The following FKBP15 variants were observed in gnomAD, a reference collection of about 807,000 sequenced individuals.
FKBP15 encodes the protein FK506-binding protein 15.
Under a neutral mutation model 158.1 loss-of-function variants are expected in FKBP15, and 106 were observed. The observed-to-expected ratio is 0.67, with a 90% CI of 0.57 to 0.79. The LOEUF (loss-of-function observed/expected upper bound fraction) is 0.79, where lower values mean the gene tolerates loss of function less well. Ranked by LOEUF, FKBP15 falls within the 30% of genes least tolerant of loss-of-function variation. The pLI, the probability that FKBP15 is intolerant of heterozygous loss-of-function variation, is 0.00. For missense variants in FKBP15, 1,287 were observed against 1,479.1 expected (o/e 0.87, Z 2.13); for synonymous variants, 547 against 548.6 (o/e 1.00, Z 0.04).
Position 113,170,632 on chromosome 9 carries a change from G to A in FKBP15, c.2659-3C>T, listed in dbSNP as rs774845908. The A allele has an allele frequency of 1.9e-6, 3 of 1,601,928 alleles. No homozygotes were observed. The highest frequency in any genetic ancestry group is 3.3e-5 in the Admixed American group (2 of 59,912). ...ACCTGGTTCATGATCTTCTTGACCT[G>A]TGTGAACATCAAAACACATGCTGTC... On this transcript the variant is annotated splice_polypyrimidine_tract_variant and splice_region_variant and intron_variant, in intron 24 of 27. Coordinates refer to ENST00000238256, the MANE Select transcript of FKBP15 (RefSeq NM_015258.2).
chr9:113,167,855 A>G (rs1020761831), intron 27 of FKBP15, among the ~76,000 whole-genome samples: 1 of 151,046 alleles, frequency 6.6e-6, no homozygotes, highest in Non-Finnish European at 1.5e-5. Flanking sequence ...CCTGGCCTTC[A>G]CTCTTGTTCT....
At chr9:113,188,139 A>T (rs1055044256) in intron 13 of FKBP15, among the ~76,000 whole-genome samples, 3 of 152,292 alleles carry the variant, frequency 2.0e-5, no homozygotes, top group Non-Finnish European at 4.4e-5. Context: ...ACCCAGGGAG[A>T]TGTCTCAATA....
chr9:113,203,102 A>C lies in FKBP15; in HGVS notation c.325-67T>G, dbSNP rs1014967961. On this transcript the variant is annotated intron_variant, in intron 4 of 27. Transcript: ENST00000238256. ...CAGCAGAAGTTAAAAGGCAATATAAAATCAGCAATATAAAATCAGCAATAA... is the reference window on the plus strand; with the variant it reads ...CAGCAGAAGTTAAAAGGCAATATAACATCAGCAATATAAAATCAGCAATAA... 7.6e-6 allele frequency: 8 copies of C among 1,054,860 alleles called. No individual in the cohort carries two copies. In the African/African-American group the frequency reaches 1.1e-4, roughly 15 times the overall value. The allele number at this position is 1,054,860 out of a possible 1,614,324, so 65.3% of individuals were successfully genotyped here. A position where few individuals can be genotyped will look rare whatever the true frequency, so the allele number is the denominator to read the frequency against.
At chr9:113,191,051 G>T (rs930599698) in intron 11 of FKBP15, among the ~76,000 whole-genome samples, 1 of 152,182 alleles carries the variant, frequency 6.6e-6, no homozygotes, top group African/African-American at 2.4e-5. Context: ...CTACCCATTA[G>T]ACCCTGTGCT....
chr9:113,187,626 C>T, intron 14 of FKBP15, 167 bp downstream of exon 14: 1 of 614,982 alleles, frequency 1.6e-6, no homozygotes, highest in South Asian at 2.0e-5. Flanking sequence ...GTAGGTTATC[C>T]TTTGCCTGGT....
In FKBP15 at chr9:113,168,338, G is replaced by A. The variant is rs767197747; in HGVS notation, c.3582+122C>T. 85 of 787,168 alleles carry A rather than the reference G, an allele frequency of 1.1e-4. No homozygotes were observed. The Admixed American group carries it at 1.6e-3, about 14-fold the overall frequency. 48.8% of individuals were successfully genotyped at this position (787,168 alleles called of 1,614,324 possible). A position where few individuals can be genotyped will look rare whatever the true frequency, so the allele number is the denominator to read the frequency against. ...CCCAGCCCCAAGCCTGCTCCCACAGGGCCCTGCACACAGAGTCCAGGGAGT... is the reference window on the plus strand; with the variant it reads ...CCCAGCCCCAAGCCTGCTCCCACAGAGCCCTGCACACAGAGTCCAGGGAGT... On this transcript the variant is annotated intron_variant, in intron 27 of 27. Transcript: ENST00000238256.
Position 113,206,360 on chromosome 9 carries a change from C to G in FKBP15, c.324+149G>C, listed in dbSNP as rs576140819. 459 of 608,232 alleles carry G rather than the reference C, an allele frequency of 7.5e-4. 6 individuals carry two copies. The highest frequency in any genetic ancestry group is 5.3e-3 in the South Asian group (238 of 44,772). The allele number at this position is 608,232 out of a possible 1,614,324, so 37.7% of individuals were successfully genotyped here. On this transcript the variant is annotated intron_variant, in intron 4 of 27. Transcript: ENST00000238256. Reference sequence around the variant, plus strand: ...ATAGTAAGCAAAATGTGATCATTTACTATATGCTTGATGTTATAAATTAAC... The same window carrying G: ...ATAGTAAGCAAAATGTGATCATTTAGTATATGCTTGATGTTATAAATTAAC...
At chr9:113,181,260 G>A (rs1242533975) in intron 19 of FKBP15, among the ~76,000 whole-genome samples, 3 of 152,014 alleles carry the variant, frequency 2.0e-5, no homozygotes, top group Non-Finnish European at 4.4e-5. Flanking sequence ...GACATCTCTG[G>A]GGTTTATCAA....
intron 1 of FKBP15, among the ~76,000 whole-genome samples, chr9:113,212,105 T>C (rs1410938501): frequency 1.3e-5 from 2 of 152,198 alleles, no homozygotes; most frequent in Non-Finnish European, 2.9e-5. Flanking sequence ...AACAGAACCA[T>C]TCTTTCATCA....
chr9:113,188,842 A>T (rs936721882), intron 12 of FKBP15, among the ~76,000 whole-genome samples: 1 of 152,208 alleles, frequency 6.6e-6, no homozygotes, highest in Non-Finnish European at 1.5e-5. Flanking sequence ...AATCTAATCT[A>T]TTCCCACAAA....
Position 113,207,257 on chromosome 9 carries a change from C to T in FKBP15, c.209G>A (p.Ser70Asn), listed in dbSNP as rs773710640. 4.0e-5 allele frequency: 64 copies of T among 1,613,160 alleles called. No individual in the cohort carries two copies. In the South Asian group the frequency reaches 7.0e-4, roughly 18 times the overall value. ...ATPKTAPATM[S>N]TPTILVATAV... is the part of the protein sequence containing the mutation. The stretch of plus-strand genomic sequence containing the variant: ...TGTTGCGACCAGTATTGTGGGAGTG[C>T]TCATGGTGGCTGGTGCTGTTTTTGG... Residue 70 changes from serine to asparagine, a missense_variant, in exon 3 of 28, where the codon AGC becomes AAC. Physicochemically the swap from Ser to Asn is conservative, Grantham distance 46. Coordinates refer to ENST00000238256, the MANE Select transcript of FKBP15 (RefSeq NM_015258.2).
chr9:113,210,612 T>G (rs934852144), intron 2 of FKBP15, among the ~76,000 whole-genome samples: 1 of 152,194 alleles, frequency 6.6e-6, no homozygotes, highest in Non-Finnish European at 1.5e-5. Context: ...TAATATTTAG[T>G]GTCAACTTGA....
In FKBP15 at chr9:113,214,459, T is replaced by C. The variant is rs985307234; in HGVS notation, c.54-2867A>G. Among the ~76,000 whole-genome samples, 11 of 152,346 alleles carry C rather than the reference T, an allele frequency of 7.2e-5. No homozygotes were observed. In the East Asian group the frequency reaches 7.7e-4, roughly 11 times the overall value. On this transcript the variant is annotated intron_variant, in intron 1 of 27. Coordinates refer to ENST00000238256, the MANE Select transcript of FKBP15 (RefSeq NM_015258.2). ...ATAATTTGAAAGAAGGCTTTTTTTT[T>C]CTGAACAGTGGGTCTCAACAGTGCA...
chr9:113,207,660 A>T (rs1288992754), intron 2 of FKBP15, among the ~76,000 whole-genome samples: 1 of 152,136 alleles, frequency 6.6e-6, no homozygotes, highest in African/African-American at 2.4e-5. Context: ...TTAACCACTG[A>T]ACTAGCTTCA....
At chr9:113,180,123 T>G (rs979953369) in intron 19 of FKBP15, among the ~76,000 whole-genome samples, 15 of 152,292 alleles carry the variant, frequency 9.8e-5, no homozygotes, top group African/African-American at 3.4e-4. Flanking sequence ...TCCAAAGGCG[T>G]GCCAATGAAA....
At chr9:113,201,920 G>GA (rs1268451535) in intron 6 of FKBP15, among the ~76,000 whole-genome samples, 1 of 152,126 alleles carries the variant, frequency 6.6e-6, no homozygotes, top group East Asian at 1.9e-4. Context: ...ATTATGCATA[G>GA]AAAAAAGGAA....
intron 19 of FKBP15, among the ~76,000 whole-genome samples, chr9:113,182,208 A>G (rs1830411043): frequency 6.6e-6 from 1 of 152,212 alleles, no homozygotes. Flanking sequence ...CTCCTAGCTG[A>G]TGAGTGGTAG....
At chr9:113,218,343 A>G (rs1217324255) in intron 1 of FKBP15, among the ~76,000 whole-genome samples, 1 of 148,512 alleles carries the variant, frequency 6.7e-6, no homozygotes, top group African/African-American at 2.5e-5. Flanking sequence ...GGATATAATA[A>G]TTAATAGTAC....
At chr9:113,190,386 G>GA in intron 12 of FKBP15, 85 bp downstream of exon 12, 4 of 1,132,298 alleles carry the variant, frequency 3.5e-6, no homozygotes, top group African/African-American at 3.1e-5. Flanking sequence ...CTGCCTTAGA[G>GA]AAAAAACAAT....
Sources: gnomAD v4.1 joint callset for allele counts (sites outside exome capture counted in the v4.1 genomes callset) on GRCh38, gnomAD v4.1.1 for gene constraint, MANE v1.5 for transcripts, NCBI Gene and HGNC (gene_info 2026-07-23, HGNC 2026-07-21) for gene names.